Variants in GGT1 observed in about 807,000 individuals in gnomAD.
GGT1 encodes the protein glutathione hydrolase 1 proenzyme.
GGT1 carries 21 observed loss-of-function variants against 56.0 expected under a neutral mutation model. The observed-to-expected ratio is 0.38, with a 90% confidence interval of 0.27 to 0.54. GGT1 has a LOEUF of 0.54. Among genes scored for constraint, GGT1 ranks in the 20% least tolerant of loss-of-function variants. GGT1 has a pLI of 0.82. For synonymous variants in GGT1, 238 were observed against 342.6 expected (o/e 0.69, Z 3.37); for missense variants, 466 against 787.0 (o/e 0.59, Z 4.88).
In GGT1 at chr22:24,615,100, T is replaced by A. The variant is rs765192648; in HGVS notation, c.355T>A (p.Phe119Ile). Residue 119 changes from phenylalanine to isoleucine, a missense_variant, in exon 7 of 16, where the codon TTC (phenylalanine) becomes ATC (isoleucine). Physicochemically the swap from Phe to Ile is conservative, Grantham distance 21. This residue lies in a region of GGT1 where 456 missense variants were observed against 716.7 expected (regional missense o/e 0.64). Coordinates refer to ENST00000400382, the MANE Select transcript of GGT1 (RefSeq NM_001288833.2). Reference protein sequence around the residue: ...VAPRLAFATMFNSSEQSQKGG... With the variant: ...VAPRLAFATMINSSEQSQKGG... ...CCCCAGGCTGGCCTTTGCCACCATG[T>A]TCAACAGCTCGGAGCAGTCCCAGAA... The A allele has an allele frequency of 6.8e-6, 11 of 1,611,854 alleles. No homozygotes were observed. Among genetic ancestry groups the A allele is most frequent in the African/African-American group, 1.3e-5 (1 of 74,884 alleles).
chr22:24,620,343 C>T lies in GGT1; in HGVS notation c.398C>T (p.Ala133Val), dbSNP rs1344725859. ...EQSQKGGLSV[A>V]VPGEIRGYEL... ...CTCTCCCCAGGGGGGCTGTCGGTGG[C>T]GGTGCCTGGGGAGATCCGAGGCTAT... is the stretch of plus-strand genomic sequence containing the variant. Residue 133 changes from alanine to valine, a missense_variant, in exon 8 of 16, where the codon GCG (alanine) becomes GTG (valine). Coordinates refer to ENST00000400382, the MANE Select transcript of GGT1 (RefSeq NM_001288833.2). The surrounding 1 kb of genome is among the most constrained non-coding windows in gnomAD (Gnocchi z 5.6). The T allele has an allele frequency of 5.0e-6, 8 of 1,611,544 alleles. No individual in the cohort carries two copies. Among genetic ancestry groups the T allele is most frequent in the Admixed American group, 1.7e-5 (1 of 59,944 alleles).
upstream of GGT1, chr22:24,592,432 G>A (rs1039015155): frequency 2.1e-6 from 1 of 470,476 alleles, no homozygotes; most frequent in Non-Finnish European, 4.4e-6. Context: ...TCCTGGAGGA[G>A]GGGGAAGTTA....
At chr22:24,622,049 AAAAG>A (rs948239858) in intron 9 of GGT1, among the ~76,000 whole-genome samples, 11 of 151,342 alleles carry the variant, frequency 7.3e-5, no homozygotes, top group African/African-American at 2.4e-4. Flanking sequence ...CAAAAAAAAA[AAAAG>A]AAAGAAAGAA....
At chr22:24,607,378 T>TGG (rs1345401008) in intron 1 of GGT1, among the ~76,000 whole-genome samples, 41 of 152,278 alleles carry the variant, frequency 2.7e-4, no homozygotes, top group African/African-American at 8.2e-4. Flanking sequence ...TCAGATGTTC[T>TGG]GAACAGGGAC....
At chr22:24,611,603 A>C (rs1220519325) in intron 5 of GGT1, among the ~76,000 whole-genome samples, 2 of 145,670 alleles carry the variant, frequency 1.4e-5, no homozygotes, top group Admixed American at 6.9e-5. Context: ...TCTATCTACT[A>C]TCTATCTATC....
chr22:24,611,576 A>G (rs2046687007), intron 5 of GGT1, among the ~76,000 whole-genome samples: 1 of 150,744 alleles, frequency 6.6e-6, no homozygotes, highest in South Asian at 2.1e-4. Flanking sequence ...CTATCTATCT[A>G]TCTATCTATC....
chr22:24,628,380 A>G lies in GGT1; in HGVS notation c.1555A>G (p.Ile519Val). The change falls in exon 15 of 16, where the codon ATT becomes GTT. Residue 519 changes from isoleucine to valine, a missense_variant. Ile to Val is a conservative substitution (Grantham distance 29). Transcript: ENST00000400382. This position sits in a 1 kb window ranked among gnomAD's most constrained non-coding sequence, Gnocchi z 5.7. Reference protein sequence around the residue: ...LPNVTTVERNIDQAVTAALET... With the variant: ...LPNVTTVERNVDQAVTAALET... ...CAACGTCACGACAGTGGAGAGAAACATTGACCAGGTGGGCCGGGGGTTGGA... is the reference window on the plus strand; with the variant it reads ...CAACGTCACGACAGTGGAGAGAAACGTTGACCAGGTGGGCCGGGGGTTGGA... 1.2e-6 allele frequency: 2 copies of G among 1,610,836 alleles called. No homozygotes were observed. Among genetic ancestry groups the G allele is most frequent in the Non-Finnish European group, 1.7e-6 (2 of 1,179,840 alleles).
At chr22:24,593,264 A>G (rs2045628448), upstream of GGT1, 2 of 294,850 alleles carry the variant, frequency 6.8e-6, no homozygotes, top group Non-Finnish European at 1.0e-5. Flanking sequence ...TGGCGCTAGA[A>G]CCCGAGGGCC....
chr22:24,590,044 G>A, upstream of GGT1: 1 of 1,371,682 alleles, frequency 7.3e-7, no homozygotes, highest in Non-Finnish European at 9.7e-7. Context: ...GCCCGTTCCT[G>A]TCTCTCCATC....
At chr22:24,625,564 CAG>C (rs1419114028) in intron 11 of GGT1, among the ~76,000 whole-genome samples, 2 of 151,374 alleles carry the variant, frequency 1.3e-5, no homozygotes, top group Non-Finnish European at 2.9e-5. Flanking sequence ...TTTTTTGAGA[CAG>C]AGTCTCGCTC....
At chr22:24,595,579 G>C (rs1282014513) in intron 1 of GGT1, among the ~76,000 whole-genome samples, 1 of 152,242 alleles carries the variant, frequency 6.6e-6, no homozygotes, top group Non-Finnish European at 1.5e-5. Flanking sequence ...TCCCTAGTGA[G>C]TCAGTGAGTT....
chr22:24,598,347 G>C (rs1443132682), upstream of GGT1: 2 of 142,870 alleles, frequency 1.4e-5, no homozygotes, highest in African/African-American at 2.7e-5. Flanking sequence ...TGAGGCAGGA[G>C]AATCATCGGT....
At chr22:24,605,044 T>TATAA in intron 1 of GGT1, among the ~76,000 whole-genome samples, 1 of 69,232 alleles carries the variant, frequency 1.4e-5, no homozygotes, top group Admixed American at 2.3e-4. Context: ...ATAAAATATG[T>TATAA]AATATATTAT....
chr22:24,607,433 C>G, intron 1 of GGT1, among the ~76,000 whole-genome samples: 1 of 152,176 alleles, frequency 6.6e-6, no homozygotes, highest in East Asian at 1.9e-4. Context: ...TGGAGGGGCT[C>G]GTGGGCAGAC....
upstream of GGT1, among the ~76,000 whole-genome samples, chr22:24,601,209 C>T (rs1274446047): frequency 6.6e-6 from 1 of 152,184 alleles, no homozygotes; most frequent in African/African-American, 2.4e-5. Context: ...GCATCTGGAC[C>T]GATCCGCATT....
chr22:24,588,137 G>C, the GGT1 span: 5 of 1,132,632 alleles, frequency 4.4e-6, no homozygotes, highest in African/African-American at 7.6e-5. Flanking sequence ...CCAGCCTCTT[G>C]GTGAGAGTGC....
Position 24,628,939 on chromosome 22 carries a change from G to C in GGT1, c.*100G>C. 1 of 1,572,362 alleles carries C rather than the reference G, an allele frequency of 6.4e-7. No individual in the cohort carries two copies. The highest frequency in any genetic ancestry group is 8.6e-7 in the Non-Finnish European group (1 of 1,157,216). ...GGACCGGCTTCCCCTGTGAGCAGCA[G>C]AGCAGCACAATAAATGAGGCCACTG... On this transcript the variant is annotated 3_prime_UTR_variant, in exon 16 of 16. Coordinates refer to ENST00000400382, the MANE Select transcript of GGT1 (RefSeq NM_001288833.2). This position sits in a 1 kb window ranked among gnomAD's most constrained non-coding sequence, Gnocchi z 5.7.
chr22:24,611,543 C>CTATCATCT (rs1349743774), intron 5 of GGT1, among the ~76,000 whole-genome samples: 56 of 119,512 alleles, frequency 4.7e-4, no homozygotes, highest in African/African-American at 7.9e-4. Flanking sequence ...ATCTATCTAT[C>CTATCATCT]ATCTATCTAT....
the GGT1 span, chr22:24,583,931 G>A: frequency 1.1e-5 from 4 of 374,912 alleles, no homozygotes; most frequent in Non-Finnish European, 1.6e-5. Flanking sequence ...GTTTCAGGGA[G>A]AGCTCAGAGG....
Sources: gnomAD v4.1 joint callset for allele counts (sites outside exome capture counted in the v4.1 genomes callset) on GRCh38, gnomAD v4.1.1 for gene constraint, gnomAD v4.1.1 regional missense constraint, Gnocchi (gnomAD v3.1) non-coding constraint, MANE v1.5 for transcripts, NCBI Gene and HGNC (gene_info 2026-07-23, HGNC 2026-07-21) for gene names.